The following HGSNAT variants were observed in gnomAD, a reference collection of about 807,000 sequenced individuals.
HGSNAT encodes the protein heparan-alpha-glucosaminide N-acetyltransferase.
HGSNAT carries 59 observed loss-of-function variants against 85.2 expected under a neutral mutation model. The observed-to-expected ratio is 0.69, with a 90% CI of 0.56 to 0.86. The LOEUF (loss-of-function observed/expected upper bound fraction) is 0.86. HGSNAT is among the 40% of genes least tolerant of loss of function. The probability of loss-of-function intolerance (pLI) is 0.00; values close to 1 mark genes in which losing one functional copy is unlikely to be tolerated. For missense variants in HGSNAT, 756 were observed against 777.1 expected (o/e 0.97, Z 0.32); for synonymous variants, 321 against 304.5 (o/e 1.05, Z -0.56).
intron 1 of HGSNAT, among the ~76,000 whole-genome samples, chr8:43,140,885 A>C (rs1654047821): frequency 6.6e-6 from 1 of 152,060 alleles, no homozygotes; most frequent in African/African-American, 2.4e-5. Flanking sequence ...CGCCCACCCC[A>C]GCGGAGCCTG....
chr8:43,143,817 A>C (rs1200138193), intron 1 of HGSNAT, among the ~76,000 whole-genome samples: 1 of 151,250 alleles, frequency 6.6e-6, no homozygotes, highest in Non-Finnish European at 1.5e-5. Context: ...AACTGCTGGG[A>C]TTACAGGTGT....
chr8:43,162,179 G>A (rs1803287537), intron 5 of HGSNAT, among the ~76,000 whole-genome samples: 1 of 152,146 alleles, frequency 6.6e-6, no homozygotes, highest in Non-Finnish European at 1.5e-5. Context: ...TGCTTATCTT[G>A]TTAGGGTCTC....
intron 2 of HGSNAT, among the ~76,000 whole-genome samples, chr8:43,155,094 C>T (rs943296966): frequency 2.0e-5 from 3 of 151,908 alleles, no homozygotes; most frequent in African/African-American, 7.3e-5. Flanking sequence ...TGGATCTATA[C>T]CCAGTAGTGG....
chr8:43,149,118 A>AAAATAAATAAATAAAT (rs57240507), intron 2 of HGSNAT, among the ~76,000 whole-genome samples: 37 of 146,682 alleles, frequency 2.5e-4, no homozygotes, highest in African/African-American at 7.7e-4. Flanking sequence ...TCTGTCTCAA[A>AAAATAAATAAATAAAT]AAATAAATAA....
chr8:43,189,551 G>C (rs1804451824), intron 11 of HGSNAT, among the ~76,000 whole-genome samples: 2 of 152,200 alleles, frequency 1.3e-5, no homozygotes, highest in African/African-American at 4.8e-5. Flanking sequence ...CCCTTGGCTA[G>C]GAAAGGGAAT....
intron 5 of HGSNAT, among the ~76,000 whole-genome samples, chr8:43,164,379 T>C (rs905014817): frequency 6.6e-6 from 1 of 152,214 alleles, no homozygotes; most frequent in Non-Finnish European, 1.5e-5. Context: ...CAATTCTTTT[T>C]TTTTTTTGAG....
intron 2 of HGSNAT, among the ~76,000 whole-genome samples, chr8:43,155,128 C>T (rs1803051641): frequency 6.6e-6 from 1 of 152,052 alleles, no homozygotes; most frequent in South Asian, 2.1e-4. Context: ...TGTGGTAGTT[C>T]TATTTTAATT....
chr8:43,158,540 C>G, intron 2 of HGSNAT, 35 bp from the exon 3 acceptor site: 1 of 1,612,530 alleles, frequency 6.2e-7, no homozygotes, highest in Non-Finnish European at 8.5e-7. Flanking sequence ...GTTGAAAAAC[C>G]TCTGGCGGTT....
Position 43,178,032 on chromosome 8 carries a change from A to T in HGSNAT, c.852-42A>T, listed in dbSNP as rs1441287957. 9.0e-6 allele frequency: 14 copies of T among 1,557,700 alleles called. No homozygotes were observed. The Admixed American group carries it at 2.3e-4, about 26-fold the overall frequency. Reference sequence around the variant, plus strand: ...AAATGTTACTGATATATAGACAAAAAATTTGGAAATGGCCACCTATTAATA... The same window carrying T: ...AAATGTTACTGATATATAGACAAAATATTTGGAAATGGCCACCTATTAATA... On this transcript the variant is annotated intron_variant, in intron 9 of 17. Coordinates refer to ENST00000379644, the MANE Select transcript of HGSNAT (RefSeq NM_152419.3).
chr8:43,198,662 A>T lies in HGSNAT; in HGVS notation c.1726+710A>T, dbSNP rs183832975. Among the ~76,000 whole-genome samples the T allele has an allele frequency of 3.5e-4, 53 of 152,288 alleles. 1 individual carries two copies. The highest frequency in any genetic ancestry group is 2.3e-3 in the Admixed American group (35 of 15,294). On this transcript the variant is annotated intron_variant, in intron 17 of 17. Transcript: ENST00000379644. Reference sequence around the variant, plus strand: ...ACTATAGAGATTGTGCATTAGAAGAAATAGCAAGAGGTGATATCAAGGGAT... The same window carrying T: ...ACTATAGAGATTGTGCATTAGAAGATATAGCAAGAGGTGATATCAAGGGAT...
intron 11 of HGSNAT, among the ~76,000 whole-genome samples, chr8:43,184,466 C>T (rs1342268669): frequency 1.3e-5 from 2 of 151,920 alleles, no homozygotes; most frequent in East Asian, 3.9e-4. Flanking sequence ...ATCCTTTGCC[C>T]ACTTTTTGAT....
At chr8:43,179,487 G>T (rs1803957235) in intron 10 of HGSNAT, among the ~76,000 whole-genome samples, 2 of 120,506 alleles carry the variant, frequency 1.7e-5, no homozygotes. Context: ...CCGGCCGGAA[G>T]GGGGGCTGAC....
At chr8:43,161,064 C>T (rs1185577110) in intron 4 of HGSNAT, among the ~76,000 whole-genome samples, 1 of 152,166 alleles carries the variant, frequency 6.6e-6, no homozygotes, top group African/African-American at 2.4e-5. Flanking sequence ...TTTAGAGACA[C>T]ATCCTGAAGT....
At chr8:43,147,197 A>G (rs550793244) in intron 2 of HGSNAT, 134 bp downstream of exon 2, 2 of 581,774 alleles carry the variant, frequency 3.4e-6, no homozygotes, top group Non-Finnish European at 5.9e-6. Flanking sequence ...CTATATAAAG[A>G]GTCGGAAGAA....
chr8:43,199,912 A>C lies in HGSNAT; in HGVS notation c.*343A>C, dbSNP rs1804863068. 1 of 172,556 alleles carries C rather than the reference A, an allele frequency of 5.8e-6. No individual in the cohort carries two copies. Among genetic ancestry groups the C allele is most frequent in the East Asian group, 1.6e-4 (1 of 6,420 alleles). The allele number at this position is 172,556 out of a possible 1,614,324, so 10.7% of individuals were successfully genotyped here. ...CTTCTGTGGTGAGTGAAACAATCTG[A>C]GGTCTGGTTCTTGCTGACCTTGTTG... On this transcript the variant is annotated 3_prime_UTR_variant, in exon 18 of 18. Transcript: ENST00000379644.
At chr8:43,172,060 A>G (rs1468217206) in intron 7 of HGSNAT, among the ~76,000 whole-genome samples, 1 of 152,262 alleles carries the variant, frequency 6.6e-6, no homozygotes, top group African/African-American at 2.4e-5. Context: ...TTAAGACTGC[A>G]GTATACACTT....
intron 17 of HGSNAT, among the ~76,000 whole-genome samples, chr8:43,198,970 T>C (rs537003047): frequency 3.3e-5 from 5 of 152,236 alleles, no homozygotes; most frequent in Admixed American, 1.3e-4. Flanking sequence ...GGTGTGATTT[T>C]GGCTCACTGC....
At chr8:43,166,278 A>G (rs555593151) in intron 5 of HGSNAT, among the ~76,000 whole-genome samples, 2 of 152,250 alleles carry the variant, frequency 1.3e-5, no homozygotes, top group Non-Finnish European at 2.9e-5. Context: ...CTAACAACAC[A>G]GTTTCCATGC....
intron 5 of HGSNAT, among the ~76,000 whole-genome samples, chr8:43,165,579 G>A (rs980592949): frequency 6.6e-6 from 1 of 152,334 alleles, no homozygotes; most frequent in South Asian, 2.1e-4. Context: ...CCAACAGTTA[G>A]CCAAGTTGTG....
Sources: gnomAD v4.1 joint callset for allele counts (sites outside exome capture counted in the v4.1 genomes callset) on GRCh38, gnomAD v4.1.1 for gene constraint, MANE v1.5 for transcripts, NCBI Gene and HGNC (gene_info 2026-07-23, HGNC 2026-07-21) for gene names.